MYH15: variants seen among roughly 807,000 people sequenced by gnomAD.
MYH15 encodes the protein myosin-15.
Under a neutral mutation model 240.5 loss-of-function variants are expected in MYH15, and 227 were observed. The ratio of observed to expected loss-of-function variants is 0.94; its 90% CI spans 0.85 to 1.05. The LOEUF (loss-of-function observed/expected upper bound fraction) is 1.05, where lower values mean the gene tolerates loss of function less well. Ranked by LOEUF, MYH15 falls within the 50% of genes least tolerant of loss-of-function variation. The pLI, the probability that MYH15 is intolerant of heterozygous loss-of-function variation, is 0.00. For synonymous variants in MYH15, 785 were observed against 796.7 expected, an observed-to-expected ratio of 0.99 and a Z score of 0.25; for missense variants, 2,217 against 2,247.5, an observed-to-expected ratio of 0.99 and a Z score of 0.27.
intron 9 of MYH15, among the ~76,000 whole-genome samples, chr3:108,487,141 A>T (rs1576264306): frequency 6.6e-6 from 1 of 152,208 alleles, no homozygotes; most frequent in Non-Finnish European, 1.5e-5. Context: ...AGGAAACATA[A>T]TCCAGGCTGA....
intron 11 of MYH15, among the ~76,000 whole-genome samples, chr3:108,477,352 C>T (rs2083229850): frequency 6.6e-6 from 1 of 152,108 alleles, no homozygotes; most frequent in African/African-American, 2.4e-5. Context: ...ATAGTTGCTA[C>T]TAAAAGTTTA....
intron 14 of MYH15, 104 bp from the exon 15 acceptor site, chr3:108,464,918 G>A: frequency 1.0e-6 from 1 of 989,540 alleles, no homozygotes. Flanking sequence ...GTTGACAAAG[G>A]GAAGAATATT....
intron 11 of MYH15, 104 bp downstream of exon 11, chr3:108,484,987 T>C (rs2083293790): frequency 1.7e-5 from 21 of 1,230,654 alleles, no homozygotes; most frequent in African/African-American, 4.5e-5. Flanking sequence ...GGAGACACTA[T>C]TGATTAATTT....
intron 33 of MYH15, among the ~76,000 whole-genome samples, chr3:108,400,401 G>A (rs1407494799): frequency 6.6e-6 from 1 of 152,192 alleles, no homozygotes; most frequent in Non-Finnish European, 1.5e-5. Flanking sequence ...AGATAATAGA[G>A]AACAGAGAAG....
chr3:108,518,391 C>A (rs1449889591), intron 1 of MYH15, among the ~76,000 whole-genome samples: 1 of 152,194 alleles, frequency 6.6e-6, no homozygotes, highest in Non-Finnish European at 1.5e-5. Context: ...CTGCCAACAT[C>A]TGGATCAAGG....
upstream of MYH15, among the ~76,000 whole-genome samples, chr3:108,530,478 A>C (rs1038829963): frequency 1.3e-5 from 2 of 152,326 alleles, no homozygotes; most frequent in East Asian, 3.9e-4. Flanking sequence ...TTTTTAGGGC[A>C]GTGAAACTTT....
Position 108,458,322 on chromosome 3 carries a change from A to G in MYH15, c.2020+1040T>C, listed in dbSNP as rs139081745. 6.0e-4 allele frequency among the ~76,000 whole-genome samples: 91 copies of G among 152,346 alleles called. 2 individuals carry two copies. In the East Asian group the frequency reaches 0.017, roughly 28 times the overall value. On this transcript the variant is annotated intron_variant, in intron 18 of 40. Transcript: ENST00000693548. ...CTTGATAGATGGAAGCAGTGTCCCT[A>G]GACACATCCAGAAACCCAGCTGATA...
At chr3:108,398,497 A>G (rs2082479167) in intron 35 of MYH15, 140 bp downstream of exon 35, 11 of 733,558 alleles carry the variant, frequency 1.5e-5, no homozygotes, top group Admixed American at 4.5e-5. Flanking sequence ...GAACAAATGA[A>G]GAGTATGAAC....
chr3:108,491,870 G>C (rs999779951), intron 9 of MYH15, among the ~76,000 whole-genome samples: 46 of 151,976 alleles, frequency 3.0e-4, no homozygotes, highest in Non-Finnish European at 6.0e-4. Flanking sequence ...CCTACCAGAA[G>C]TAGCCTCCAC....
rs1445299691 is a variant in MYH15, at chr3:108,515,854, AG to A, written c.-57-5268del. On this transcript the variant is annotated intron_variant, in intron 1 of 41. Coordinates refer to the MYH15 transcript ENST00000273353. Reference sequence around the variant, plus strand: ...AGGATGGTACCATGGGGAAGTAAAGAGGGAAATTCACATAGTGGCAGCTACT... The same window carrying A: ...AGGATGGTACCATGGGGAAGTAAAGAGGAAATTCACATAGTGGCAGCTACT... Among the ~76,000 whole-genome samples, 9 of 152,320 alleles carry A rather than the reference AG, an allele frequency of 5.9e-5. No individual in the cohort carries two copies. In the South Asian group the frequency reaches 1.7e-3, roughly 28 times the overall value.
intron 40 of MYH15, 28 bp downstream of exon 40, chr3:108,383,567 T>C: frequency 6.2e-7 from 1 of 1,608,444 alleles, no homozygotes; most frequent in Non-Finnish European, 8.5e-7. Context: ...GATTAAAGAG[T>C]TAGAACAGAG....
intron 11 of MYH15, among the ~76,000 whole-genome samples, chr3:108,482,231 T>C (rs1445549979): frequency 1.3e-5 from 2 of 149,066 alleles, no homozygotes; most frequent in Non-Finnish European, 3.0e-5. Context: ...AAATGAAGAG[T>C]TGGTAGTAAA....
intron 6 of MYH15, among the ~76,000 whole-genome samples, chr3:108,497,790 A>G (rs2083403561): frequency 6.6e-6 from 1 of 152,232 alleles, no homozygotes; most frequent in Non-Finnish European, 1.5e-5. Flanking sequence ...TACAGGTCCA[A>G]TAAACAAAGA....
chr3:108,415,128 G>A (rs2082623296), intron 29 of MYH15, among the ~76,000 whole-genome samples: 1 of 152,132 alleles, frequency 6.6e-6, no homozygotes, highest in Non-Finnish European at 1.5e-5. Context: ...GGACGGCCCT[G>A]CTGGGTTTAA....
At chr3:108,477,865 C>T (rs773413082) in intron 11 of MYH15, among the ~76,000 whole-genome samples, 5 of 152,098 alleles carry the variant, frequency 3.3e-5, no homozygotes, top group Non-Finnish European at 7.4e-5. Context: ...TGTATCACTT[C>T]AGGTATGAAA....
intron 33 of MYH15, among the ~76,000 whole-genome samples, chr3:108,400,212 C>G (rs1026558001): frequency 6.6e-6 from 1 of 152,182 alleles, no homozygotes; most frequent in African/African-American, 2.4e-5. Context: ...CTTTCAATGA[C>G]TTTGAATGTT....
At chr3:108,541,993 C>A in the MYH15 span, among the ~76,000 whole-genome samples, 1 of 151,740 alleles carries the variant, frequency 6.6e-6, no homozygotes. Context: ...GAAATCTGGT[C>A]AAAAAAATTA....
rs2082750223 is a variant in MYH15 at position 108,428,778 on chromosome 3, T to C, written c.3416A>G (p.Asn1139Ser). The change falls in exon 27 of 41, where the codon AAT becomes AGT. Residue 1139 changes from asparagine (N) to serine (S), a missense_variant. Transcript: ENST00000693548. Reference sequence around the variant, plus strand: ...TCCTCCTACCTCCTCCAGCCTCTCATTCAAGTCAGCCAGGTCTTGGGTGAG... The same window carrying C: ...TCCTCCTACCTCCTCCAGCCTCTCACTCAAGTCAGCCAGGTCTTGGGTGAG... ...ADLTQDLADL[N>S]ERLEEVGGSS... 1 of 1,613,948 alleles carries C rather than the reference T, an allele frequency of 6.2e-7. No homozygotes were observed. Among genetic ancestry groups the C allele is most frequent in the Admixed American group, 1.7e-5 (1 of 59,992 alleles).
chr3:108,485,567 A>C (rs1576263393), intron 10 of MYH15, among the ~76,000 whole-genome samples: 1 of 152,248 alleles, frequency 6.6e-6, no homozygotes, highest in Non-Finnish European at 1.5e-5. Flanking sequence ...TATGGCAGAA[A>C]GCACCATATC....
Sources: gnomAD v4.1 joint callset for allele counts (sites outside exome capture counted in the v4.1 genomes callset) on GRCh38, gnomAD v4.1.1 for gene constraint, MANE v1.5 for transcripts, NCBI Gene and HGNC (gene_info 2026-07-23, HGNC 2026-07-21) for gene names.